ARID1B: variants seen among roughly 807,000 people sequenced by gnomAD.
ARID1B encodes AT-rich interaction domain 1B.
Under a neutral mutation model 212.3 loss-of-function variants are expected in ARID1B, and 30 were observed. The observed-to-expected ratio is 0.14, with a 90% confidence interval of 0.11 to 0.19. ARID1B has a LOEUF of 0.19. Among genes scored for constraint, ARID1B ranks in the 10% least tolerant of loss-of-function variants. The pLI is 1.00. For missense variants in ARID1B, 2,891 were observed against 3,204.0 expected (o/e 0.90, Z 2.36); for synonymous variants, 1,402 against 1,301.7 (o/e 1.08, Z -1.66).
intron 4 of ARID1B, among the ~76,000 whole-genome samples, chr6:157,054,602 T>C (rs1199225790): frequency 6.6e-6 from 1 of 152,052 alleles, no homozygotes; most frequent in Non-Finnish European, 1.5e-5. Context: ...ACTTCCTATC[T>C]GGGGCTTTTT....
At chr6:156,951,987 T>C (rs1583018106) in intron 4 of ARID1B, among the ~76,000 whole-genome samples, 1 of 152,220 alleles carries the variant, frequency 6.6e-6, no homozygotes, top group African/African-American at 2.4e-5. Context: ...TTAACTACTT[T>C]GTTACTCTGT....
At chr6:157,138,684 T>G (rs1437426862) in intron 7 of ARID1B, among the ~76,000 whole-genome samples, 1 of 152,196 alleles carries the variant, frequency 6.6e-6, no homozygotes, top group Non-Finnish European at 1.5e-5. Flanking sequence ...AAGACTAGAT[T>G]CTGTGCAGGT....
At position 157,210,592 on chromosome 6, in the gene ARID1B, G is replaced by A. The variant is rs1794706306; in HGVS notation, c.*2701G>A. On this transcript the variant is annotated 3_prime_UTR_variant, in exon 20 of 20. Coordinates refer to ENST00000636930, the MANE Select transcript of ARID1B (RefSeq NM_001374828.1). Reference sequence around the variant, plus strand: ...CCCACGAAGAATTTACAGCCTGCTTGAGATCATCTTGCCTATAAACTGAGT... The same window carrying A: ...CCCACGAAGAATTTACAGCCTGCTTAAGATCATCTTGCCTATAAACTGAGT... The A allele has an allele frequency of 4.3e-6, 1 of 230,674 alleles. No homozygotes were observed. Among genetic ancestry groups the A allele is most frequent in the Non-Finnish European group, 8.5e-6 (1 of 117,310 alleles). 14.3% of individuals were successfully genotyped at this position (230,674 alleles called of 1,614,324 possible).
chr6:156,935,477 G>GA lies in ARID1B; in HGVS notation c.2148_2149insA (p.Glu717ArgfsTer6), dbSNP rs1792120004. 6.2e-7 allele frequency: 1 copy of GA among 1,612,636 alleles called. No homozygotes were observed. Among genetic ancestry groups the GA allele is most frequent in the Non-Finnish European group, 8.5e-7 (1 of 1,179,058 alleles). On this transcript the variant is annotated frameshift_variant, in exon 4 of 20. Transcript: ENST00000636930. LOFTEE classifies it high-confidence loss of function. ...GTGTTTTTTTTTAGGACATGTCTCA[G>GA]GAAGGCTATGGAACTAGATCTCAAC...
At chr6:156,803,214 G>A (rs1780912169) in intron 1 of ARID1B, among the ~76,000 whole-genome samples, 1 of 152,058 alleles carries the variant, frequency 6.6e-6, no homozygotes, top group Admixed American at 6.5e-5. Context: ...ATGTGGTCTT[G>A]TACATTTATT....
chr6:157,137,920 A>G (rs559070851), intron 7 of ARID1B, among the ~76,000 whole-genome samples: 1 of 152,320 alleles, frequency 6.6e-6, no homozygotes, highest in Non-Finnish European at 1.5e-5. Context: ...TTTCACTAAA[A>G]TAAATTAGAT....
At chr6:156,802,753 G>T (rs768513123) in intron 1 of ARID1B, among the ~76,000 whole-genome samples, 7 of 152,148 alleles carry the variant, frequency 4.6e-5, no homozygotes, top group Non-Finnish European at 7.4e-5. Flanking sequence ...TTATGTATTG[G>T]CATTGTTTTT....
At chr6:157,071,318 A>G (rs1053278988) in intron 4 of ARID1B, 17 of 151,924 alleles carry the variant, frequency 1.1e-4, no homozygotes, top group Non-Finnish European at 2.5e-4. Flanking sequence ...AAACAATCTC[A>G]CGTGGTGACA....
intron 2 of ARID1B, among the ~76,000 whole-genome samples, chr6:156,849,146 A>G (rs1562433008): frequency 6.6e-6 from 1 of 152,110 alleles, no homozygotes; most frequent in Non-Finnish European, 1.5e-5. Context: ...TATGTCCAGC[A>G]TTTCCTTGAG....
intron 9 of ARID1B, among the ~76,000 whole-genome samples, chr6:157,171,855 T>C (rs1791735401): frequency 6.6e-6 from 1 of 152,288 alleles, no homozygotes; most frequent in Admixed American, 6.5e-5. Context: ...TAGTTCTGTA[T>C]GCTTACAAGT....
intron 1 of ARID1B, among the ~76,000 whole-genome samples, chr6:156,780,166 G>A (rs994286696): frequency 3.3e-5 from 5 of 152,196 alleles, no homozygotes; most frequent in Admixed American, 3.3e-4. Flanking sequence ...AGAATAGCCA[G>A]GGAAATCCAT....
At chr6:156,829,586 T>A in intron 2 of ARID1B, 165 bp downstream of exon 2, 1 of 824,832 alleles carries the variant, frequency 1.2e-6, no homozygotes, top group Non-Finnish European at 1.8e-6. Flanking sequence ...TTTTTTCTTT[T>A]AAAGATGGAA....
chr6:157,049,254 C>G (rs904844849), intron 4 of ARID1B, among the ~76,000 whole-genome samples: 7 of 151,858 alleles, frequency 4.6e-5, no homozygotes, highest in African/African-American at 1.7e-4. Flanking sequence ...ATGGCCGATT[C>G]TAGACCGTGG....
Position 157,133,242 on chromosome 6 carries a change from A to G in ARID1B, c.2761+35A>G, listed in dbSNP as rs554136972. 2.6e-6 allele frequency: 4 copies of G among 1,541,550 alleles called. No homozygotes were observed. The East Asian group carries it at 6.8e-5, about 26-fold the overall frequency. On this transcript the variant is annotated intron_variant, in intron 7 of 19. Transcript: ENST00000636930. ...AAGCTTCTCCAAAATGCATGGCAGCAAGTTGTAGAAATTTTCTTAATGTGC... is the reference window on the plus strand; with the variant it reads ...AAGCTTCTCCAAAATGCATGGCAGCGAGTTGTAGAAATTTTCTTAATGTGC...
intron 4 of ARID1B, among the ~76,000 whole-genome samples, chr6:157,040,358 C>G (rs1234815884): frequency 1.3e-5 from 2 of 152,224 alleles, no homozygotes; most frequent in Admixed American, 1.3e-4. Context: ...GTCTAAGTCA[C>G]TGTGGTAACA....
chr6:156,884,559 A>T (rs1049591285), intron 2 of ARID1B, among the ~76,000 whole-genome samples: 1 of 152,032 alleles, frequency 6.6e-6, no homozygotes, highest in Admixed American at 6.6e-5. Flanking sequence ...ATCTGGGAGG[A>T]TTAGGAGGTG....
chr6:157,015,985 A>T lies in ARID1B; in HGVS notation c.2248-68677A>T, dbSNP rs192109423. ...TCTGTAAGGAGATATCTTCTCACAA[A>T]TGGAAACTCTTTTCAGTTTGCTCAG... On this transcript the variant is annotated intron_variant, in intron 4 of 19. Transcript: ENST00000636930. 2.3e-3 allele frequency among the ~76,000 whole-genome samples: 349 copies of T among 152,308 alleles called. 1 individual carries two copies. The highest frequency in any genetic ancestry group is 7.8e-3 in the African/African-American group (324 of 41,570).
intron 5 of ARID1B, among the ~76,000 whole-genome samples, chr6:157,103,261 A>G (rs1222789755): frequency 2.0e-5 from 3 of 151,998 alleles, no homozygotes; most frequent in Non-Finnish European, 4.4e-5. Flanking sequence ...TTTTTTTTCA[A>G]CAAATACTTA....
At chr6:156,820,408 C>G (rs1420369559) in intron 1 of ARID1B, among the ~76,000 whole-genome samples, 1 of 152,090 alleles carries the variant, frequency 6.6e-6, no homozygotes, top group African/African-American at 2.4e-5. Context: ...GCTAGGTATG[C>G]AAAGATGAAT....
Sources: allele counts gnomAD v4.1 joint callset (sites outside exome capture counted in the v4.1 genomes callset), GRCh38; gene constraint gnomAD v4.1.1; transcripts MANE v1.5; gene names NCBI Gene and HGNC (gene_info 2026-07-23, HGNC 2026-07-21).